The following CDH13 variants were observed in gnomAD, a reference collection of about 807,000 sequenced individuals.
CDH13 encodes cadherin-13.
In CDH13, 24 loss-of-function variants were observed where a neutral mutation model predicts 63.8. The ratio of observed to expected loss-of-function variants is 0.38; its 90% CI spans 0.27 to 0.53. The LOEUF (loss-of-function observed/expected upper bound fraction) is 0.53. Ranked by LOEUF, CDH13 falls within the 20% of genes least tolerant of loss-of-function variation. CDH13 has a pLI of 0.85. For synonymous variants in CDH13, 503 were observed against 355.3 expected, an observed-to-expected ratio of 1.42 and a Z score of -4.67; for missense variants, 1,049 against 903.1, an observed-to-expected ratio of 1.16 and a Z score of -2.07.
chr16:83,562,715 C>G (rs1421324992), intron 7 of CDH13, among the ~76,000 whole-genome samples: 1 of 152,168 alleles, frequency 6.6e-6, no homozygotes. Flanking sequence ...TTCTGCCTGT[C>G]TATTTTGGGT....
At chr16:82,690,977 GCCAATGTCTATAAAGA>G (rs1018256350) in intron 1 of CDH13, among the ~76,000 whole-genome samples, 7 of 152,346 alleles carry the variant, frequency 4.6e-5, no homozygotes, top group Admixed American at 4.6e-4. Context: ...AGGAAAGCCA[GCCAATGTCTATAAAGA>G]CACATAGGAA....
chr16:83,552,939 A>G (rs974221549), intron 7 of CDH13, among the ~76,000 whole-genome samples: 1 of 152,066 alleles, frequency 6.6e-6, no homozygotes, highest in Non-Finnish European at 1.5e-5. Flanking sequence ...ATTAGCCGGG[A>G]GTGGTGGCAC....
intron 4 of CDH13, among the ~76,000 whole-genome samples, chr16:83,132,335 C>T (rs147239839): frequency 6.6e-6 from 1 of 151,998 alleles, no homozygotes; most frequent in Admixed American, 6.6e-5. Flanking sequence ...TGTCATCCCT[C>T]TACCTCTTTT....
chr16:82,991,895 G>A (rs1911702406), intron 2 of CDH13, among the ~76,000 whole-genome samples: 3 of 152,038 alleles, frequency 2.0e-5, no homozygotes, highest in African/African-American at 7.2e-5. Flanking sequence ...TAGGATGAGA[G>A]TGATATAAAG....
chr16:83,778,397 T>C (rs247399), intron 11 of CDH13, among the ~76,000 whole-genome samples: 1 of 151,730 alleles, frequency 6.6e-6, no homozygotes, highest in East Asian at 1.9e-4. Flanking sequence ...GGACATTGTG[T>C]TGCACACCTG....
At position 83,501,485 on chromosome 16, in the gene CDH13, G is replaced by A. The variant is rs368648034; in HGVS notation, c.960+14830G>A. Among the ~76,000 whole-genome samples, 4 of 152,260 alleles carry A rather than the reference G, an allele frequency of 2.6e-5. No individual in the cohort carries two copies. In the South Asian group the frequency reaches 8.3e-4, roughly 32 times the overall value. On this transcript the variant is annotated intron_variant, in intron 7 of 13. Coordinates refer to ENST00000567109, the MANE Select transcript of CDH13 (RefSeq NM_001257.5). ...TTCTCCATTCTTATTTCCTCTGCATGTTAGAATATCTAATAGGTGTGAGAC... is the reference window on the plus strand; with the variant it reads ...TTCTCCATTCTTATTTCCTCTGCATATTAGAATATCTAATAGGTGTGAGAC...
chr16:83,710,190 G>C (rs533224128), intron 10 of CDH13: 2 of 152,184 alleles, frequency 1.3e-5, no homozygotes, highest in Non-Finnish European at 2.9e-5. Flanking sequence ...TGTCAGGGGG[G>C]ACAATTGAAG....
rs141268402 is a variant in CDH13 at position 83,031,581 on chromosome 16, C to T, written c.158-429C>T. Among the ~76,000 whole-genome samples, 1,150 of 151,976 alleles carry T rather than the reference C, an allele frequency of 7.6e-3. 11 individuals are homozygous for T. Among genetic ancestry groups the T allele is most frequent in the African/African-American group, 0.026 (1,088 of 41,452 alleles). ...ATAATGTCTTCCACATTCTTAAGGGCCTTCTCATCTCCTACTTATCTTCAA... is the reference window on the plus strand; with the variant it reads ...ATAATGTCTTCCACATTCTTAAGGGTCTTCTCATCTCCTACTTATCTTCAA... On this transcript the variant is annotated intron_variant, in intron 2 of 13. Coordinates refer to ENST00000567109, the MANE Select transcript of CDH13 (RefSeq NM_001257.5).
At chr16:82,940,667 C>G (rs1233230403) in intron 2 of CDH13, among the ~76,000 whole-genome samples, 2 of 152,114 alleles carry the variant, frequency 1.3e-5, no homozygotes, top group Non-Finnish European at 2.9e-5. Context: ...CGTTTGTTTT[C>G]TAATTTTCTT....
chr16:83,271,422 T>TTAAAAAAAAAAAA (rs1555522986), intron 5 of CDH13, among the ~76,000 whole-genome samples: 745 of 26,030 alleles, frequency 0.029, 219 homozygotes, highest in East Asian at 0.041. Flanking sequence ...GCAGAGTTCA[T>TTAAAAAAAAAAAA]AAAAAAAAAA....
At chr16:83,601,543 A>G (rs1210700209) in intron 7 of CDH13, among the ~76,000 whole-genome samples, 2 of 152,196 alleles carry the variant, frequency 1.3e-5, no homozygotes, top group African/African-American at 4.8e-5. Context: ...AGTGTGGTAT[A>G]AGTGACTCTA....
intron 1 of CDH13, among the ~76,000 whole-genome samples, chr16:82,638,765 ATCT>A (rs1300255364): frequency 7.1e-6 from 1 of 141,196 alleles, no homozygotes; most frequent in Non-Finnish European, 1.6e-5. Flanking sequence ...GTGGGATCTC[ATCT>A]TCTTAATGTG....
chr16:83,468,759 T>C (rs1184919630), intron 6 of CDH13, among the ~76,000 whole-genome samples: 1 of 152,188 alleles, frequency 6.6e-6, no homozygotes, highest in African/African-American at 2.4e-5. Flanking sequence ...CTGTGTAAAG[T>C]TTTTAAAATT....
At chr16:82,634,763 C>T (rs1567574866) in intron 1 of CDH13, among the ~76,000 whole-genome samples, 4 of 152,284 alleles carry the variant, frequency 2.6e-5, no homozygotes, top group South Asian at 4.1e-4. Context: ...GGCGTCTTCT[C>T]AAATAAGAGG....
chr16:83,648,190 A>G (rs1912017644), intron 8 of CDH13, among the ~76,000 whole-genome samples: 1 of 152,136 alleles, frequency 6.6e-6, no homozygotes, highest in South Asian at 2.1e-4. Flanking sequence ...CGGATGTTTC[A>G]TCATCCAGGC....
intron 3 of CDH13, among the ~76,000 whole-genome samples, chr16:83,033,763 G>A (rs868425541): frequency 6.6e-6 from 1 of 152,164 alleles, no homozygotes; most frequent in Admixed American, 6.5e-5. Flanking sequence ...TTCACCAGGA[G>A]CTCAGGGACT....
intron 1 of CDH13, among the ~76,000 whole-genome samples, chr16:82,736,139 C>G (rs1029484230): frequency 6.6e-6 from 1 of 152,276 alleles, no homozygotes; most frequent in African/African-American, 2.4e-5. Flanking sequence ...TTCTATGTTT[C>G]TCCTTTGCTT....
At chr16:83,549,688 T>A (rs1412757461) in intron 7 of CDH13, among the ~76,000 whole-genome samples, 1 of 149,424 alleles carries the variant, frequency 6.7e-6, no homozygotes. Flanking sequence ...CTGCTCAGCA[T>A]GAGAAATCAA....
At chr16:83,599,846 C>T (rs1048124599) in intron 7 of CDH13, among the ~76,000 whole-genome samples, 4 of 152,210 alleles carry the variant, frequency 2.6e-5, no homozygotes, top group East Asian at 1.9e-4. Flanking sequence ...AAAGTGAAAG[C>T]GTTATGCAAG....
Sources: gnomAD v4.1 joint callset for allele counts (sites outside exome capture counted in the v4.1 genomes callset) on GRCh38, gnomAD v4.1.1 for gene constraint, MANE v1.5 for transcripts, NCBI Gene and HGNC (gene_info 2026-07-23, HGNC 2026-07-21) for gene names.